The following CDK14 variants were observed in gnomAD, a reference collection of about 807,000 sequenced individuals.
CDK14 encodes cyclin dependent kinase 14.
CDK14 carries 34 observed loss-of-function variants against 60.7 expected under a neutral mutation model. That is an observed-to-expected ratio of 0.56 (90% CI 0.43 to 0.75). The LOEUF (loss-of-function observed/expected upper bound fraction) is 0.75. Among genes scored for constraint, CDK14 ranks in the 30% least tolerant of loss-of-function variants. The pLI, the probability that CDK14 is intolerant of heterozygous loss-of-function variation, is 0.00. For missense variants in CDK14, 482 were observed against 564.1 expected, an observed-to-expected ratio of 0.85 and a Z score of 1.47; for synonymous variants, 197 against 203.7, an observed-to-expected ratio of 0.97 and a Z score of 0.28.
At chr7:90,839,502 A>G (rs1790219623) in intron 5 of CDK14, among the ~76,000 whole-genome samples, 3 of 152,132 alleles carry the variant, frequency 2.0e-5, no homozygotes, top group Admixed American at 2.0e-4. Context: ...CTCCCACCCC[A>G]TCTGTTCTTT....
chr7:90,752,546 G>C lies in CDK14; in HGVS notation c.464+4771G>C, dbSNP rs572656528. ...AGAGGAAAGTTTACAGCACTAAATG[G>C]CTACCTAAAAAAATTAGAAAGATCT... On this transcript the variant is annotated intron_variant, in intron 4 of 14. Transcript: ENST00000380050. 2.0e-3 allele frequency among the ~76,000 whole-genome samples: 310 copies of C among 151,972 alleles called. 13 individuals carry two copies. The highest frequency in any genetic ancestry group is 1.2e-3 in the Non-Finnish European group (81 of 67,910).
At chr7:90,610,878 C>T (rs549108185) in intron 2 of CDK14, among the ~76,000 whole-genome samples, 7 of 152,226 alleles carry the variant, frequency 4.6e-5, no homozygotes, top group South Asian at 2.1e-4. Flanking sequence ...ATTAAGACTT[C>T]GATATATGAA....
intron 9 of CDK14, among the ~76,000 whole-genome samples, chr7:90,974,415 A>T (rs1795011880): frequency 6.6e-6 from 1 of 152,206 alleles, no homozygotes; most frequent in African/African-American, 2.4e-5. Flanking sequence ...CAGGCATAAG[A>T]AATTATAAAA....
At chr7:91,054,581 G>T (rs923971392) in intron 11 of CDK14, among the ~76,000 whole-genome samples, 6 of 152,222 alleles carry the variant, frequency 3.9e-5, no homozygotes, top group Non-Finnish European at 8.8e-5. Context: ...ATACTGGGAG[G>T]TCACTGGTGG....
At chr7:90,816,067 C>T (rs1789341702) in intron 5 of CDK14, among the ~76,000 whole-genome samples, 1 of 151,292 alleles carries the variant, frequency 6.6e-6, no homozygotes. Flanking sequence ...ACATGTATCC[C>T]AGAACTTAAA....
At chr7:90,660,579 G>T (rs1260240088) in intron 2 of CDK14, among the ~76,000 whole-genome samples, 1 of 152,150 alleles carries the variant, frequency 6.6e-6, no homozygotes, top group Non-Finnish European at 1.5e-5. Context: ...AGAATTTCTG[G>T]TGTCAAAATG....
intron 8 of CDK14, among the ~76,000 whole-genome samples, chr7:90,948,078 C>T (rs1406785450): frequency 6.6e-6 from 1 of 151,990 alleles, no homozygotes; most frequent in Non-Finnish European, 1.5e-5. Flanking sequence ...GAATATTATG[C>T]CTTGACTTAA....
intron 6 of CDK14, among the ~76,000 whole-genome samples, chr7:90,895,761 A>G (rs1211748140): frequency 1.5e-5 from 2 of 131,746 alleles, no homozygotes; most frequent in Non-Finnish European, 3.2e-5. Flanking sequence ...TTTTTAGTAG[A>G]GATGGGGTTT....
At chr7:91,008,676 C>G (rs984805623) in intron 10 of CDK14, among the ~76,000 whole-genome samples, 2 of 151,936 alleles carry the variant, frequency 1.3e-5, no homozygotes, top group South Asian at 2.1e-4. Flanking sequence ...TGTCAGGATA[C>G]TTGATTACTT....
At chr7:90,852,105 G>A (rs1220859433) in intron 5 of CDK14, among the ~76,000 whole-genome samples, 5 of 152,036 alleles carry the variant, frequency 3.3e-5, no homozygotes, top group African/African-American at 4.8e-5. Context: ...CTATGTTTCC[G>A]AGGCTGGCCC....
intron 10 of CDK14, among the ~76,000 whole-genome samples, chr7:90,984,816 C>CA (rs1378955355): frequency 1.3e-5 from 2 of 152,088 alleles, no homozygotes; most frequent in Admixed American, 6.6e-5. Context: ...AGTTAAATCA[C>CA]AAAAAATATA....
intron 14 of CDK14, among the ~76,000 whole-genome samples, chr7:91,179,384 C>A (rs1424729819): frequency 6.7e-6 from 1 of 149,456 alleles, no homozygotes. Flanking sequence ...GGGATAGCAT[C>A]GGGAGATATA....
intron 14 of CDK14, among the ~76,000 whole-genome samples, chr7:91,134,821 G>A (rs1298686423): frequency 6.7e-6 from 1 of 149,820 alleles, no homozygotes. Flanking sequence ...GTTACAGTGA[G>A]CCGAGATCAC....
intron 12 of CDK14, among the ~76,000 whole-genome samples, chr7:91,106,907 G>A (rs1799318857): frequency 6.6e-6 from 1 of 152,140 alleles, no homozygotes. Context: ...ATTATTATCA[G>A]GCATACAGCA....
chr7:90,610,712 C>G (rs1483971064), intron 2 of CDK14, among the ~76,000 whole-genome samples: 1 of 152,168 alleles, frequency 6.6e-6, no homozygotes, highest in Non-Finnish European at 1.5e-5. Flanking sequence ...ACATTGTTTT[C>G]CCTTAATGCA....
intron 14 of CDK14, among the ~76,000 whole-genome samples, chr7:91,203,314 C>T (rs1802785789): frequency 6.6e-6 from 1 of 152,164 alleles, no homozygotes; most frequent in Non-Finnish European, 1.5e-5. Context: ...ACCAAGTCTT[C>T]TGATTCTACA....
chr7:91,117,622 A>G (rs915431085), intron 13 of CDK14, among the ~76,000 whole-genome samples: 11 of 152,072 alleles, frequency 7.2e-5, no homozygotes, highest in African/African-American at 2.4e-4. Context: ...AATATATTAT[A>G]TCTGTTTGGT....
At chr7:90,856,487 C>T (rs1443491519) in intron 5 of CDK14, among the ~76,000 whole-genome samples, 1 of 143,314 alleles carries the variant, frequency 7.0e-6, no homozygotes, top group Admixed American at 6.7e-5. Flanking sequence ...CATTGCTCTT[C>T]CAGTGTTTAG....
intron 3 of CDK14, among the ~76,000 whole-genome samples, chr7:90,736,344 GTTTTTGTTTTTTTTTTT>G (rs1483179075): frequency 4.9e-5 from 2 of 41,032 alleles, no homozygotes; most frequent in African/African-American, 9.0e-5. Context: ...ACTTTATTAT[GTTTTTGTTTTTTTTTTT>G]TTTTTTTTTT....
Sources: allele counts gnomAD v4.1 joint callset (sites outside exome capture counted in the v4.1 genomes callset), GRCh38; gene constraint gnomAD v4.1.1; transcripts MANE v1.5; gene names NCBI Gene and HGNC (gene_info 2026-07-23, HGNC 2026-07-21).